PATJ: variants seen among roughly 807,000 people sequenced by gnomAD.
The protein encoded by PATJ is PATJ crumbs cell polarity complex component.
In PATJ, 190 loss-of-function variants were observed where a neutral mutation model predicts 224.9. That is an observed-to-expected ratio of 0.84 (90% CI 0.75 to 0.95). The LOEUF is 0.95. PATJ is among the 40% of genes least tolerant of loss of function. The probability of loss-of-function intolerance (pLI) is 0.00; values close to 1 mark genes in which losing one functional copy is unlikely to be tolerated. For synonymous variants in PATJ, 769 were observed against 820.3 expected, an observed-to-expected ratio of 0.94 and a Z score of 1.07; for missense variants, 2,121 against 2,270.3, an observed-to-expected ratio of 0.93 and a Z score of 1.34.
intron 43 of PATJ, among the ~76,000 whole-genome samples, chr1:62,158,516 G>C (rs905777760): frequency 4.0e-5 from 6 of 148,420 alleles, no homozygotes; most frequent in African/African-American, 1.5e-4. Context: ...TCAGGAGATT[G>C]AGACCATCCT....
intron 28 of PATJ, among the ~76,000 whole-genome samples, chr1:61,996,472 T>A (rs1645360860): frequency 6.6e-6 from 1 of 152,214 alleles, no homozygotes; most frequent in Non-Finnish European, 1.5e-5. Flanking sequence ...AGCTTCTGTG[T>A]ATGTATGGAT....
intron 32 of PATJ, among the ~76,000 whole-genome samples, chr1:62,081,315 C>G (rs1417612689): frequency 6.6e-6 from 1 of 152,092 alleles, no homozygotes; most frequent in Non-Finnish European, 1.5e-5. Flanking sequence ...ACAGTTGAAT[C>G]TATAGAAATT....
intron 23 of PATJ, among the ~76,000 whole-genome samples, chr1:61,901,054 T>C (rs1036114652): frequency 6.6e-6 from 1 of 152,244 alleles, no homozygotes; most frequent in Non-Finnish European, 1.5e-5. Flanking sequence ...TTTAGAGTTA[T>C]ATTTATTGTT....
At chr1:61,904,772 C>T (rs893141420) in intron 24 of PATJ, among the ~76,000 whole-genome samples, 3 of 152,238 alleles carry the variant, frequency 2.0e-5, no homozygotes, top group Non-Finnish European at 2.9e-5. Flanking sequence ...CCATCCCTAA[C>T]TTCTGACAAC....
intron 28 of PATJ, among the ~76,000 whole-genome samples, chr1:61,993,143 C>G (rs560195597): frequency 6.6e-6 from 1 of 152,326 alleles, no homozygotes; most frequent in South Asian, 2.1e-4. Context: ...TCTGACCAAC[C>G]AGCTCTTAAT....
At chr1:61,872,771 C>T (rs750370147) in intron 20 of PATJ, among the ~76,000 whole-genome samples, 3 of 152,196 alleles carry the variant, frequency 2.0e-5, no homozygotes, top group Admixed American at 6.5e-5. Context: ...TCAGTCCTCT[C>T]TTGCTGAAGC....
At chr1:61,855,859 G>C (rs1231044472) in intron 17 of PATJ, among the ~76,000 whole-genome samples, 171 bp from the exon 18 acceptor site, 1 of 152,136 alleles carries the variant, frequency 6.6e-6, no homozygotes, top group African/African-American at 2.4e-5. Context: ...ACCATACTTG[G>C]CTTAGAGTGA....
intron 21 of PATJ, among the ~76,000 whole-genome samples, chr1:61,880,355 C>T (rs958634649): frequency 3.9e-5 from 6 of 152,156 alleles, no homozygotes; most frequent in African/African-American, 1.2e-4. Flanking sequence ...TTTGTGAATG[C>T]GTGAATGAAG....
At chr1:61,838,662 G>A (rs1018068188) in intron 17 of PATJ, among the ~76,000 whole-genome samples, 13 of 151,708 alleles carry the variant, frequency 8.6e-5, no homozygotes, top group Non-Finnish European at 1.5e-4. Flanking sequence ...GAGCCACTGC[G>A]CCCGGCCGAC....
At chr1:62,019,887 G>A (rs901894231) in intron 29 of PATJ, among the ~76,000 whole-genome samples, 3 of 152,124 alleles carry the variant, frequency 2.0e-5, no homozygotes, top group African/African-American at 7.2e-5. Flanking sequence ...GTTGTGTGGG[G>A]GCCAGGCGCG....
intron 41 of PATJ, 147 bp downstream of exon 41, chr1:62,129,092 T>G: frequency 2.0e-6 from 1 of 506,992 alleles, no homozygotes; most frequent in Non-Finnish European, 3.5e-6. Flanking sequence ...ATTATTATTT[T>G]TATTCAGAAA....
chr1:62,064,658 A>G lies in PATJ; in HGVS notation c.4125+13600A>G, dbSNP rs1656100753. On this transcript the variant is annotated intron_variant, in intron 31 of 43. Transcript: ENST00000642238. Reference sequence around the variant, plus strand: ...AGTGTTTTTAAAGTGCTGGTATCCAAGTATGAAAAAACAGCTTAAAATGTG... The same window carrying G: ...AGTGTTTTTAAAGTGCTGGTATCCAGGTATGAAAAAACAGCTTAAAATGTG... Among the ~76,000 whole-genome samples, 4 of 152,200 alleles carry G rather than the reference A, an allele frequency of 2.6e-5. No individual in the cohort carries two copies. The South Asian group carries it at 6.2e-4, about 24-fold the overall frequency.
chr1:61,783,789 TC>T (rs374024786), intron 7 of PATJ, among the ~76,000 whole-genome samples: 155 of 141,672 alleles, frequency 1.1e-3, no homozygotes, highest in Middle Eastern at 3.6e-3. Context: ...GCTCTGTTGC[TC>T]AGGCTGGAGT....
At chr1:61,797,917 C>T (rs1323549824) in intron 11 of PATJ, among the ~76,000 whole-genome samples, 2 of 151,746 alleles carry the variant, frequency 1.3e-5, no homozygotes, top group Non-Finnish European at 2.9e-5. Flanking sequence ...ATTCTCGTGC[C>T]TCAGCCTCCC....
At chr1:61,869,151 G>A (rs896996830) in intron 20 of PATJ, among the ~76,000 whole-genome samples, 1 of 141,210 alleles carries the variant, frequency 7.1e-6, no homozygotes, top group East Asian at 2.1e-4. Flanking sequence ...CTGTCGCCCA[G>A]GCTGGAGTGC....
chr1:61,924,745 C>T lies in PATJ; in HGVS notation c.3571-2985C>T, dbSNP rs192509184. Among the ~76,000 whole-genome samples, 271 of 152,258 alleles carry T rather than the reference C, an allele frequency of 1.8e-3. 1 individual carries two copies. The highest frequency in any genetic ancestry group is 3.4e-3 in the Middle Eastern group (1 of 294). ...TGAAGGTAGGAAAATATTTCACACTCAAAATGAAAGGTAAGGACTTTTCTT... is the reference window on the plus strand; with the variant it reads ...TGAAGGTAGGAAAATATTTCACACTTAAAATGAAAGGTAAGGACTTTTCTT... On this transcript the variant is annotated intron_variant, in intron 26 of 43. Transcript: ENST00000642238.
chr1:62,121,485 C>T (rs1380162145), intron 38 of PATJ, among the ~76,000 whole-genome samples, 190 bp downstream of exon 38: 2 of 152,014 alleles, frequency 1.3e-5, no homozygotes, highest in African/African-American at 2.4e-5. Flanking sequence ...TCAGTGGTGG[C>T]CAGGCATGGT....
intron 24 of PATJ, among the ~76,000 whole-genome samples, chr1:61,902,150 G>A (rs1227248879): frequency 6.6e-6 from 1 of 151,770 alleles, no homozygotes; most frequent in Non-Finnish European, 1.5e-5. Context: ...GAACCCTGGA[G>A]GTGGGGGTCT....
chr1:61,933,519 G>A (rs143811567), intron 27 of PATJ, among the ~76,000 whole-genome samples: 6,991 of 142,582 alleles, frequency 0.049, 567 homozygotes, highest in African/African-American at 0.18. Flanking sequence ...CCACCCTGGC[G>A]ACAGAGTGAG....
Sources: gnomAD v4.1 joint callset for allele counts (sites outside exome capture counted in the v4.1 genomes callset) on GRCh38, gnomAD v4.1.1 for gene constraint, MANE v1.5 for transcripts, NCBI Gene and HGNC (gene_info 2026-07-23, HGNC 2026-07-21) for gene names.